Variants in DCAF6 observed in about 807,000 individuals in gnomAD.
DCAF6 encodes the protein DDB1 and CUL4 associated factor 6, also known as DDB1- and CUL4-associated factor 6.
A neutral mutation model predicts 125.1 loss-of-function variants in DCAF6; 54 were observed. The ratio of observed to expected loss-of-function variants is 0.43; its 90% confidence interval spans 0.35 to 0.54. The LOEUF (loss-of-function observed/expected upper bound fraction) is 0.54, where lower values mean the gene tolerates loss of function less well. DCAF6 is among the 20% of genes least tolerant of loss of function. The probability of loss-of-function intolerance (pLI) is 0.01; values close to 1 mark genes in which losing one functional copy is unlikely to be tolerated. For synonymous variants in DCAF6, 371 were observed against 390.4 expected, an observed-to-expected ratio of 0.95 and a Z score of 0.58; for missense variants, 934 against 1,161.7, an observed-to-expected ratio of 0.80 and a Z score of 2.85.
chr1:168,067,157 T>C (rs79316144), intron 20 of DCAF6, among the ~76,000 whole-genome samples: 3,458 of 152,290 alleles, frequency 0.023, 97 homozygotes, highest in African/African-American at 0.061. Flanking sequence ...GCTAAAAATG[T>C]TAGTAAGTTG....
intron 7 of DCAF6, among the ~76,000 whole-genome samples, chr1:168,002,137 A>G (rs972172495): frequency 1.3e-5 from 2 of 152,176 alleles, no homozygotes; most frequent in Admixed American, 6.5e-5. Context: ...TATCATCACA[A>G]TAGAAAACTA....
rs79325119 is a variant in DCAF6 at position 167,947,047 on chromosome 1, T to A, written c.98-4753T>A. Among the ~76,000 whole-genome samples, 693 of 152,312 alleles carry A rather than the reference T, an allele frequency of 4.5e-3. 7 individuals carry two copies. In the East Asian group the frequency reaches 0.057, roughly 13 times the overall value. On this transcript the variant is annotated intron_variant, in intron 1 of 21. Coordinates refer to ENST00000367840, the MANE Select transcript of DCAF6 (RefSeq NM_001198956.2). Reference sequence around the variant, plus strand: ...GATTGTAAAAATTACTGATTAATTCTTGCTGCTCATTATTGGTCTATTCAG... The same window carrying A: ...GATTGTAAAAATTACTGATTAATTCATGCTGCTCATTATTGGTCTATTCAG...
intron 2 of DCAF6, among the ~76,000 whole-genome samples, chr1:167,962,179 G>A (rs2102796526): frequency 6.6e-6 from 1 of 152,212 alleles, no homozygotes; most frequent in Admixed American, 6.5e-5. Context: ...GTTGTTGAAT[G>A]AAGTAGTCTA....
chr1:168,075,340 C>A, intron 21 of DCAF6, 31 bp from the exon 22 acceptor site: 1 of 1,567,946 alleles, frequency 6.4e-7, no homozygotes, highest in Non-Finnish European at 8.6e-7. Flanking sequence ...AAAAGTATTT[C>A]TCTTTGCGAT....
chr1:167,879,037 T>C, the DCAF6 span, among the ~76,000 whole-genome samples: 2 of 152,206 alleles, frequency 1.3e-5, no homozygotes, highest in African/African-American at 4.8e-5. Flanking sequence ...TAAAATTGTG[T>C]CTGCATGCTC....
At chr1:168,065,789 T>C (rs1481199989) in intron 19 of DCAF6, 43 bp downstream of exon 19, 2 of 1,558,634 alleles carry the variant, frequency 1.3e-6, no homozygotes, top group South Asian at 1.2e-5. Context: ...ATTATTTGTA[T>C]GACTCATCAG....
chr1:167,897,557 ATGCAGAAGAGAT>A, the DCAF6 span, among the ~76,000 whole-genome samples: 8 of 20 alleles, frequency 0.4, no homozygotes, highest in African/African-American at 0.5. Context: ...GTTGTTGGAG[ATGCAGAAGAGAT>A]GAGAGAAAGC....
intron 4 of DCAF6, among the ~76,000 whole-genome samples, chr1:167,984,031 C>T (rs570971100): frequency 7.2e-5 from 11 of 152,298 alleles, no homozygotes; most frequent in Admixed American, 3.9e-4. Flanking sequence ...CGCAAGGCTG[C>T]TGTTGACTTA....
At chr1:167,987,981 TA>T (rs146468052) in intron 5 of DCAF6, among the ~76,000 whole-genome samples, 2,833 of 152,218 alleles carry the variant, frequency 0.019, 77 homozygotes, top group African/African-American at 0.064. Flanking sequence ...ATAGCAGTTA[TA>T]AAAGCTTGTG....
chr1:168,040,429 G>C (rs1688374008), intron 13 of DCAF6, among the ~76,000 whole-genome samples: 1 of 152,000 alleles, frequency 6.6e-6, no homozygotes, highest in African/African-American at 2.4e-5. Flanking sequence ...AGCTATGGCA[G>C]TAAGAAAGGT....
chr1:168,014,750 T>TC (rs1462063698), intron 10 of DCAF6, among the ~76,000 whole-genome samples: 3 of 152,326 alleles, frequency 2.0e-5, no homozygotes, highest in Non-Finnish European at 2.9e-5. Flanking sequence ...CTATATGCTT[T>TC]CCCCTTGAGT....
the DCAF6 span, among the ~76,000 whole-genome samples, chr1:167,923,389 T>C: frequency 2.8e-5 from 4 of 143,590 alleles, no homozygotes; most frequent in Admixed American, 6.7e-5. Context: ...AAGTGACACA[T>C]GTGACAACGT....
At chr1:167,893,798 C>A in the DCAF6 span, 1 of 1,207,216 alleles carries the variant, frequency 8.3e-7, no homozygotes, top group Non-Finnish European at 1.2e-6. Context: ...CTTAAAATTC[C>A]AGCTGTCCAG....
chr1:167,875,915 T>G, the DCAF6 span, among the ~76,000 whole-genome samples: 1 of 151,694 alleles, frequency 6.6e-6, no homozygotes, highest in East Asian at 1.9e-4. Context: ...ATCGCACCAC[T>G]GCACTCCAGC....
At chr1:168,065,508 AAT>A in intron 18 of DCAF6, 80 bp from the exon 19 acceptor site, 1 of 1,060,584 alleles carries the variant, frequency 9.4e-7, no homozygotes, top group Non-Finnish European at 1.3e-6. Flanking sequence ...AATTAAAACA[AAT>A]AAAAAAATGT....
intron 11 of DCAF6, chr1:168,019,661 G>C (rs755789290): frequency 4.0e-6 from 1 of 249,138 alleles, no homozygotes; most frequent in Non-Finnish European, 8.7e-6. Context: ...AGCCTAGAGA[G>C]GGTCAGGTAG....
At chr1:167,903,612 A>C in the DCAF6 span, among the ~76,000 whole-genome samples, 1 of 152,184 alleles carries the variant, frequency 6.6e-6, no homozygotes, top group African/African-American at 2.4e-5. Context: ...TATAACTAAA[A>C]GTATTACTAC....
At chr1:167,941,668 G>A (rs1672263426) in intron 1 of DCAF6, among the ~76,000 whole-genome samples, 1 of 152,094 alleles carries the variant, frequency 6.6e-6, no homozygotes, top group African/African-American at 2.4e-5. Context: ...ATGGTGTGTA[G>A]TTCTTGTAAT....
At chr1:168,040,849 G>A (rs1240200675) in intron 13 of DCAF6, among the ~76,000 whole-genome samples, 3 of 139,796 alleles carry the variant, frequency 2.1e-5, no homozygotes, top group Non-Finnish European at 4.6e-5. Context: ...AAAGCAGTTA[G>A]CATTTTTTAT....
Sources: allele counts gnomAD v4.1 joint callset (sites outside exome capture counted in the v4.1 genomes callset), GRCh38; gene constraint gnomAD v4.1.1; transcripts MANE v1.5; gene names NCBI Gene and HGNC (gene_info 2026-07-23, HGNC 2026-07-21).